Variants in FAM110B observed in about 807,000 individuals in gnomAD.
The protein encoded by FAM110B is protein FAM110B.
FAM110B carries 6 observed loss-of-function variants against 20.4 expected under a neutral mutation model. The ratio of observed to expected loss-of-function variants is 0.29; its 90% CI spans 0.16 to 0.58. The LOEUF (loss-of-function observed/expected upper bound fraction) is 0.58, where lower values mean the gene tolerates loss of function less well. Among genes scored for constraint, FAM110B ranks in the 20% least tolerant of loss-of-function variants. The probability of loss-of-function intolerance (pLI) is 0.90; values close to 1 mark genes in which losing one functional copy is unlikely to be tolerated. For missense variants in FAM110B, 434 were observed against 498.2 expected, an observed-to-expected ratio of 0.87 and a Z score of 1.23; for synonymous variants, 226 against 214.1, an observed-to-expected ratio of 1.06 and a Z score of -0.49.
At chr8:58,125,374 A>T (rs1457575399) in intron 3 of FAM110B, among the ~76,000 whole-genome samples, 1 of 152,170 alleles carries the variant, frequency 6.6e-6, no homozygotes, top group Non-Finnish European at 1.5e-5. Context: ...TCTTTCAAAG[A>T]ACACTATTAA....
chr8:58,115,755 G>T (rs554133620), intron 3 of FAM110B, among the ~76,000 whole-genome samples: 193 of 152,294 alleles, frequency 1.3e-3, no homozygotes, highest in African/African-American at 4.2e-3. Flanking sequence ...CTGTACAGCA[G>T]ATGGCTAGTG....
intron 3 of FAM110B, chr8:58,091,584 C>G (rs912207472): frequency 1.3e-5 from 2 of 152,116 alleles, no homozygotes; most frequent in Non-Finnish European, 2.9e-5. Context: ...TTATCACCAC[C>G]AGGCTTCCAT....
rs192166107 is a variant in FAM110B, at chr8:58,079,816, T to G, written c.-325+4193T>G. ...AAAGAGTAATTTGACATATTAAAAT[T>G]TTTTAAATCAAATGTAAGACAGATT... On this transcript the variant is annotated intron_variant, in intron 3 of 3. Coordinates refer to ENST00000519262, the MANE Select transcript of FAM110B (RefSeq NM_001377989.1). 1.8e-4 allele frequency among the ~76,000 whole-genome samples: 27 copies of G among 152,294 alleles called. No homozygotes were observed. In the East Asian group the frequency reaches 5.0e-3, roughly 28 times the overall value.
intron 3 of FAM110B, among the ~76,000 whole-genome samples, chr8:58,115,340 A>G (rs1807176075): frequency 6.6e-6 from 1 of 152,196 alleles, no homozygotes; most frequent in South Asian, 2.1e-4. Context: ...AGACATACAT[A>G]CAAACACACA....
chr8:58,020,230 C>T (rs555613250), intron 1 of FAM110B, among the ~76,000 whole-genome samples: 1 of 152,108 alleles, frequency 6.6e-6, no homozygotes, highest in East Asian at 1.9e-4. Flanking sequence ...ATATATTTGA[C>T]GTAGTTGTTC....
chr8:58,126,619 G>A (rs1443073437), intron 3 of FAM110B, among the ~76,000 whole-genome samples: 1 of 152,052 alleles, frequency 6.6e-6, no homozygotes, highest in Non-Finnish European at 1.5e-5. Flanking sequence ...CAAGTGTGTA[G>A]TGATAGCTCA....
chr8:58,081,991 C>T (rs1000530127), intron 3 of FAM110B, among the ~76,000 whole-genome samples: 3 of 152,060 alleles, frequency 2.0e-5, no homozygotes, highest in African/African-American at 7.2e-5. Flanking sequence ...AAAACTTTTG[C>T]CTTCATCAAA....
intron 3 of FAM110B, among the ~76,000 whole-genome samples, chr8:58,087,627 G>A (rs540570375): frequency 6.6e-6 from 1 of 152,242 alleles, no homozygotes; most frequent in African/African-American, 2.4e-5. Context: ...TCGGCAGAAT[G>A]AATGAATTGA....
At chr8:58,111,520 A>G (rs1408572899) in intron 3 of FAM110B, among the ~76,000 whole-genome samples, 1 of 152,220 alleles carries the variant, frequency 6.6e-6, no homozygotes, top group African/African-American at 2.4e-5. Context: ...CTGGAAGTCT[A>G]AAACATTAGA....
At chr8:58,024,720 T>C (rs1199818988) in intron 1 of FAM110B, among the ~76,000 whole-genome samples, 2 of 152,176 alleles carry the variant, frequency 1.3e-5, no homozygotes, top group African/African-American at 2.4e-5. Context: ...TGTTATTTGA[T>C]TCTCACAGTG....
At chr8:58,120,659 G>C (rs1585903679) in intron 3 of FAM110B, among the ~76,000 whole-genome samples, 1 of 152,194 alleles carries the variant, frequency 6.6e-6, no homozygotes, top group African/African-American at 2.4e-5. Flanking sequence ...GAGCTCCGAG[G>C]GTGGGACTGT....
Position 58,146,645 on chromosome 8 carries a change from C to G in FAM110B, c.415C>G (p.His139Asp). 6.2e-7 allele frequency: 1 copy of G among 1,613,396 alleles called. No individual in the cohort carries two copies. The highest frequency in any genetic ancestry group is 8.5e-7 in the Non-Finnish European group (1 of 1,179,688). Residue 139 changes from histidine (H) to aspartate (D), a missense_variant, in exon 4 of 4, where the codon CAC becomes GAC. Around this residue, in one of 3 missense-constraint regions of FAM110B, gnomAD observed 284 missense variants for 278.3 expected, o/e 1.02. Coordinates refer to ENST00000519262, the MANE Select transcript of FAM110B (RefSeq NM_001377989.1). ...EGSSSGSGHK[H>D]SSRNWPPHRS... ...CTCTAGCTCGGGCTCGGGGCACAAGCACAGCTCCCGCAACTGGCCGCCCCA... is the reference window on the plus strand; with the variant it reads ...CTCTAGCTCGGGCTCGGGGCACAAGGACAGCTCCCGCAACTGGCCGCCCCA...
chr8:57,995,063 C>T (rs1320555250), intron 1 of FAM110B, among the ~76,000 whole-genome samples: 1 of 152,116 alleles, frequency 6.6e-6, no homozygotes, highest in Non-Finnish European at 1.5e-5. Context: ...GCCTGCCCCG[C>T]GCCCCCTCTG....
At chr8:58,132,159 A>T (rs188606761) in intron 3 of FAM110B, among the ~76,000 whole-genome samples, 1 of 152,212 alleles carries the variant, frequency 6.6e-6, no homozygotes, top group East Asian at 1.9e-4. Flanking sequence ...TATTGGATTC[A>T]TTGGGCCTAT....
intron 1 of FAM110B, among the ~76,000 whole-genome samples, chr8:58,018,730 T>A (rs1381095602): frequency 4.6e-5 from 7 of 152,138 alleles, no homozygotes; most frequent in Non-Finnish European, 7.4e-5. Flanking sequence ...AATCTAGTAA[T>A]TTTTCGCATT....
intron 3 of FAM110B, among the ~76,000 whole-genome samples, chr8:58,128,533 C>CCTAT (rs1442041488): frequency 7.9e-5 from 12 of 152,100 alleles, no homozygotes; most frequent in Admixed American, 2.0e-4. Context: ...ATTGTCCAGC[C>CCTAT]ATAGGGAAAC....
At chr8:58,142,885 C>T (rs186699377) in intron 3 of FAM110B, among the ~76,000 whole-genome samples, 64 of 152,368 alleles carry the variant, frequency 4.2e-4, no homozygotes, top group Non-Finnish European at 6.3e-4. Context: ...CACGAAGCCC[C>T]TCTCAGCCTG....
At chr8:58,055,288 A>G (rs929727276) in intron 2 of FAM110B, among the ~76,000 whole-genome samples, 9 of 152,244 alleles carry the variant, frequency 5.9e-5, no homozygotes, top group African/African-American at 1.9e-4. Flanking sequence ...TGCCATGGTC[A>G]TTTGCTCAGA....
rs370598283 is a variant in FAM110B at position 58,089,999 on chromosome 8, T to C, written c.-325+14376T>C. Among the ~76,000 whole-genome samples, 153 of 152,328 alleles carry C rather than the reference T, an allele frequency of 1.0e-3. 3 individuals are homozygous for C. The South Asian group carries it at 0.015, about 15-fold the overall frequency. On this transcript the variant is annotated intron_variant, in intron 3 of 3. Transcript: ENST00000519262. The stretch of plus-strand genomic sequence containing the variant: ...GGTTTGAACTGCTCAGGTCCACTTA[T>C]ATTTTCTTCTGCCTCTGCCACCCCT...
Sources: allele counts gnomAD v4.1 joint callset (sites outside exome capture counted in the v4.1 genomes callset), GRCh38; gene constraint gnomAD v4.1.1; regional missense constraint gnomAD v4.1.1; transcripts MANE v1.5; gene names NCBI Gene and HGNC (gene_info 2026-07-23, HGNC 2026-07-21).